Variants in DGKB observed in about 807,000 individuals in gnomAD.
DGKB encodes diacylglycerol kinase beta.
Under a neutral mutation model 114.3 loss-of-function variants are expected in DGKB, and 67 were observed. The ratio of observed to expected loss-of-function variants is 0.59; its 90% CI spans 0.48 to 0.72. DGKB has a LOEUF of 0.72. Ranked by LOEUF, DGKB falls within the 30% of genes least tolerant of loss-of-function variation. The probability of loss-of-function intolerance (pLI) is 0.00; values close to 1 mark genes in which losing one functional copy is unlikely to be tolerated. For missense variants in DGKB, 907 were observed against 975.2 expected (o/e 0.93, Z 0.93); for synonymous variants, 398 against 323.1 (o/e 1.23, Z -2.49).
chr7:14,850,666 G>A (rs1452412833), intron 1 of DGKB, among the ~76,000 whole-genome samples: 2 of 152,144 alleles, frequency 1.3e-5, no homozygotes, highest in East Asian at 1.9e-4. Context: ...GGAAATAACA[G>A]TGTGAATATA....
intron 23 of DGKB, among the ~76,000 whole-genome samples, chr7:14,312,616 T>G (rs1379602848): frequency 6.6e-6 from 1 of 152,208 alleles, no homozygotes; most frequent in African/African-American, 2.4e-5. Flanking sequence ...TAACAAACTG[T>G]GATACTTGTT....
chr7:14,945,309 A>G (rs67806722), intron 1 of DGKB, among the ~76,000 whole-genome samples: 19,451 of 151,734 alleles, frequency 0.13, 1,366 homozygotes, highest in Admixed American at 0.19. Context: ...TAGAAGGTGG[A>G]GGTGTGCTTG....
At chr7:14,326,788 G>T (rs2128549514) in intron 23 of DGKB, among the ~76,000 whole-genome samples, 1 of 152,176 alleles carries the variant, frequency 6.6e-6, no homozygotes, top group South Asian at 2.1e-4. Flanking sequence ...CTGATTTTCT[G>T]ATTAGGGCTT....
chr7:14,228,038 C>A (rs1217242971), intron 23 of DGKB, among the ~76,000 whole-genome samples: 1 of 151,882 alleles, frequency 6.6e-6, no homozygotes, highest in Non-Finnish European at 1.5e-5. Context: ...GTAGTTTAAC[C>A]CATCTTATCC....
chr7:14,501,652 T>A (rs963371819), intron 20 of DGKB, among the ~76,000 whole-genome samples: 31 of 151,956 alleles, frequency 2.0e-4, no homozygotes, highest in African/African-American at 6.5e-4. Context: ...GCAATACGTG[T>A]TCTGCTGGAT....
intron 13 of DGKB, among the ~76,000 whole-genome samples, chr7:14,661,700 A>G (rs1403857020): frequency 6.6e-6 from 1 of 151,600 alleles, no homozygotes; most frequent in African/African-American, 2.4e-5. Flanking sequence ...CCATCCCATT[A>G]CCGGGTATAT....
intron 16 of DGKB, among the ~76,000 whole-genome samples, chr7:14,608,136 C>A (rs965400211): frequency 6.6e-6 from 1 of 151,864 alleles, no homozygotes; most frequent in Non-Finnish European, 1.5e-5. Flanking sequence ...TAAATAAATG[C>A]AATAGAAATG....
At chr7:14,466,527 C>A (rs892311861) in intron 21 of DGKB, among the ~76,000 whole-genome samples, 1 of 152,076 alleles carries the variant, frequency 6.6e-6, no homozygotes, top group Non-Finnish European at 1.5e-5. Context: ...GGGGCAAGAA[C>A]CTTGGACCAA....
chr7:14,183,459 T>G lies in DGKB; in HGVS notation c.2123-5308A>C, dbSNP rs142738532. Among the ~76,000 whole-genome samples, 840 of 152,228 alleles carry G rather than the reference T, an allele frequency of 5.5e-3. 2 individuals are homozygous for G. Among genetic ancestry groups the G allele is most frequent in the Non-Finnish European group, 0.01 (692 of 68,024 alleles). ...AAGTATGTAAAACATAAAGGCAGGC[T>G]TTTTGCACCTGAAGGAACATACAAT... On this transcript the variant is annotated intron_variant, in intron 23 of 25. Transcript: ENST00000402815.
chr7:14,504,290 C>CTGGTTTGGATACCAGCTGGCT (rs1236410583), intron 20 of DGKB, among the ~76,000 whole-genome samples: 5 of 152,132 alleles, frequency 3.3e-5, no homozygotes, highest in African/African-American at 1.2e-4. Context: ...TATGGAGTAG[C>CTGGTTTGGATACCAGCTGGCT]TGGTTTGGAT....
chr7:14,858,968 G>A (rs1586960269), intron 1 of DGKB, among the ~76,000 whole-genome samples: 1 of 152,124 alleles, frequency 6.6e-6, no homozygotes, highest in East Asian at 1.9e-4. Context: ...CTTCATAGGA[G>A]ACAGCTTGAT....
rs74601353 is a variant in DGKB, at chr7:14,952,521, G to C, written c.-188+22175C>G. On this transcript the variant is annotated intron_variant, in intron 1 of 4. Transcript: ENST00000437998. ...TTCATATAAATATTCAAGGAAGCTG[G>C]AAGAGTTGAAATAATCCTCAAAATT... Among the ~76,000 whole-genome samples, 1,093 of 151,020 alleles carry C rather than the reference G, an allele frequency of 7.2e-3. 15 individuals carry two copies. The highest frequency in any genetic ancestry group is 0.024 in the African/African-American group (1,002 of 40,934).
chr7:14,643,181 A>C (rs1289579723), intron 13 of DGKB, among the ~76,000 whole-genome samples: 2 of 152,226 alleles, frequency 1.3e-5, no homozygotes, highest in Non-Finnish European at 2.9e-5. Context: ...AGCCAGGATC[A>C]GCATAGAGGC....
intron 5 of DGKB, among the ~76,000 whole-genome samples, chr7:14,729,210 C>T (rs558585942): frequency 6.7e-6 from 1 of 148,942 alleles, no homozygotes; most frequent in Admixed American, 6.7e-5. Flanking sequence ...GCAAGCTCCG[C>T]CTCCTGGGTT....
intron 20 of DGKB, among the ~76,000 whole-genome samples, chr7:14,537,203 G>C (rs1792648240): frequency 6.6e-6 from 1 of 151,870 alleles, no homozygotes; most frequent in South Asian, 2.1e-4. Context: ...CCTTGAGTAT[G>C]GATTGGAAAA....
intron 13 of DGKB, among the ~76,000 whole-genome samples, chr7:14,648,590 C>T (rs1219431668): frequency 6.6e-6 from 1 of 152,162 alleles, no homozygotes; most frequent in Non-Finnish European, 1.5e-5. Context: ...CAGAGCGCCT[C>T]TCCTCCTCCA....
At position 14,682,619 on chromosome 7, in the gene DGKB, C is replaced by A; in HGVS notation, c.969G>T (p.Lys323Asn). 6.2e-7 allele frequency: 1 copy of A among 1,613,590 alleles called. No homozygotes were observed. The change falls in exon 12 of 26, where the codon AAG becomes AAT. Residue 323 changes from lysine to asparagine, a missense_variant. Physicochemically the swap from Lys to Asn is moderately conservative, Grantham distance 94 (BLOSUM62 0). Transcript: ENST00000402815. ...GGTAACATTTAACAGTTTTGTGGCA[C>A]TTATCACACTTGGTTGGGCAGTTAC... ...VEGNCPTKCDKCHKTVKCYQG... is the reference protein window; with the variant it reads ...VEGNCPTKCDNCHKTVKCYQG...
chr7:14,606,590 C>T (rs116033096), intron 17 of DGKB, among the ~76,000 whole-genome samples: 9,673 of 150,526 alleles, frequency 0.064, 1,033 homozygotes, highest in African/African-American at 0.22. Context: ...AAATCAACTG[C>T]CTTTTTTTTA....
chr7:14,821,453 T>C (rs1844917853), intron 2 of DGKB, among the ~76,000 whole-genome samples: 1 of 152,080 alleles, frequency 6.6e-6, no homozygotes, highest in South Asian at 2.1e-4. Context: ...AGGAGGAACT[T>C]CAAGTGGCCA....
Sources: allele counts gnomAD v4.1 joint callset (sites outside exome capture counted in the v4.1 genomes callset), GRCh38; gene constraint gnomAD v4.1.1; transcripts MANE v1.5; gene names NCBI Gene and HGNC (gene_info 2026-07-23, HGNC 2026-07-21).